The following AKT3 variants were observed in gnomAD, a reference collection of about 807,000 sequenced individuals.
AKT3 encodes RAC-gamma serine/threonine-protein kinase.
AKT3 carries 15 observed loss-of-function variants against 65.3 expected under a neutral mutation model. The ratio of observed to expected loss-of-function variants is 0.23; its 90% CI spans 0.15 to 0.35. The LOEUF (loss-of-function observed/expected upper bound fraction) is 0.35. AKT3 is among the 10% of genes least tolerant of loss of function. The pLI is 1.00. For synonymous variants in AKT3, 206 were observed against 183.8 expected (o/e 1.12, Z -0.98); for missense variants, 243 against 576.5 (o/e 0.42, Z 5.92).
intron 3 of AKT3, among the ~76,000 whole-genome samples, chr1:243,684,580 C>G (rs1684154464): frequency 6.6e-6 from 1 of 152,090 alleles, no homozygotes; most frequent in African/African-American, 2.4e-5. Context: ...GGGTTGGTTC[C>G]AAGTCTTTGC....
chr1:243,519,843 T>C (rs1670601847), intron 12 of AKT3, among the ~76,000 whole-genome samples: 1 of 152,226 alleles, frequency 6.6e-6, no homozygotes, highest in Non-Finnish European at 1.5e-5. Flanking sequence ...AAGACTGCAC[T>C]GATATAGGTA....
intron 2 of AKT3, among the ~76,000 whole-genome samples, chr1:243,761,851 T>G (rs936408176): frequency 6.6e-6 from 1 of 152,170 alleles, no homozygotes; most frequent in Non-Finnish European, 1.5e-5. Flanking sequence ...AGAAATATAA[T>G]AAGTATTTTC....
intron 12 of AKT3, among the ~76,000 whole-genome samples, chr1:243,539,867 C>T (rs1344930100): frequency 1.3e-5 from 2 of 152,104 alleles, no homozygotes; most frequent in Admixed American, 6.6e-5. Context: ...CCTTGAAAGA[C>T]ACAAAGAGCA....
At chr1:243,756,882 G>T (rs1187985653) in intron 2 of AKT3, among the ~76,000 whole-genome samples, 1 of 152,172 alleles carries the variant, frequency 6.6e-6, no homozygotes, top group Non-Finnish European at 1.5e-5. Context: ...CCAAAATTGA[G>T]TATCAATTCA....
chr1:243,591,580 T>G (rs1676230880), intron 8 of AKT3, among the ~76,000 whole-genome samples: 1 of 151,934 alleles, frequency 6.6e-6, no homozygotes, highest in East Asian at 1.9e-4. Flanking sequence ...AATCAATGAA[T>G]AGAAACAGAC....
chr1:243,512,225 C>T (rs1284594166), intron 13 of AKT3, 99 bp downstream of exon 13: 3 of 630,614 alleles, frequency 4.8e-6, no homozygotes, highest in Non-Finnish European at 7.8e-6. Context: ...GGAATTTGAT[C>T]TTGAAAATAT....
At chr1:243,730,650 C>T (rs909991360) in intron 2 of AKT3, among the ~76,000 whole-genome samples, 3 of 152,150 alleles carry the variant, frequency 2.0e-5, no homozygotes, top group Admixed American at 6.5e-5. Context: ...TGGGAGCCGC[C>T]GGCTGGGGTG....
At chr1:243,654,305 A>G (rs1456599020) in intron 4 of AKT3, among the ~76,000 whole-genome samples, 3 of 143,648 alleles carry the variant, frequency 2.1e-5, no homozygotes, top group Non-Finnish European at 3.1e-5. Flanking sequence ...TTTCACTTAT[A>G]TAATTAAAAC....
At chr1:243,579,224 G>A (rs765731683) in intron 8 of AKT3, among the ~76,000 whole-genome samples, 4 of 152,164 alleles carry the variant, frequency 2.6e-5, no homozygotes, top group Non-Finnish European at 4.4e-5. Flanking sequence ...TATCTAAATA[G>A]GCATTTGATA....
intron 2 of AKT3, among the ~76,000 whole-genome samples, chr1:243,766,134 C>T (rs1401806902): frequency 6.6e-6 from 1 of 152,106 alleles, no homozygotes. Flanking sequence ...TTTAAAAACA[C>T]TATTTTAGAA....
chr1:243,503,102 A>T lies in AKT3; in HGVS notation c.*2147T>A, dbSNP rs185750644. 12 of 224,072 alleles carry T rather than the reference A, an allele frequency of 5.4e-5. No individual in the cohort carries two copies. Among genetic ancestry groups the T allele is most frequent in the Admixed American group, 4.0e-4 (7 of 17,284 alleles). 13.9% of individuals were successfully genotyped at this position (224,072 alleles called of 1,614,324 possible). A position where few individuals can be genotyped will look rare whatever the true frequency, so the allele number is the denominator to read the frequency against. On this transcript the variant is annotated 3_prime_UTR_variant, in exon 14 of 14. Transcript: ENST00000673466. ...GAAACATTCAACATAATTCCAAGTG[A>T]AAAAAAAAAGATTAGCTATGTGTGT...
At chr1:243,667,269 T>C (rs931506480) in intron 3 of AKT3, among the ~76,000 whole-genome samples, 5 of 152,172 alleles carry the variant, frequency 3.3e-5, no homozygotes, top group Admixed American at 2.6e-4. Context: ...TATTTAGAGA[T>C]GCTGAGTGAC....
chr1:243,669,975 G>T (rs868779357), intron 3 of AKT3, among the ~76,000 whole-genome samples: 1 of 152,128 alleles, frequency 6.6e-6, no homozygotes, highest in Non-Finnish European at 1.5e-5. Context: ...TATGGGCCAA[G>T]CACTATGCAA....
intron 10 of AKT3, among the ~76,000 whole-genome samples, chr1:243,556,717 ATG>A (rs1156559024): frequency 6.6e-6 from 1 of 152,152 alleles, no homozygotes. Context: ...TAACTGATAG[ATG>A]TGTGTTTTAT....
intron 2 of AKT3, among the ~76,000 whole-genome samples, chr1:243,721,401 T>G (rs1686896356): frequency 6.6e-6 from 1 of 152,160 alleles, no homozygotes; most frequent in African/African-American, 2.4e-5. Flanking sequence ...CAGTCCTATT[T>G]CTACATAGCT....
chr1:243,802,186 G>T (rs1262764919), intron 2 of AKT3, among the ~76,000 whole-genome samples: 1 of 151,830 alleles, frequency 6.6e-6, no homozygotes. Context: ...ATACTTTTTT[G>T]CTGGCTTAAT....
In AKT3 at chr1:243,526,905, G is replaced by A. The variant is rs182803927; in HGVS notation, c.1252-14479C>T. On this transcript the variant is annotated intron_variant, in intron 12 of 13. Coordinates refer to ENST00000673466, the MANE Select transcript of AKT3 (RefSeq NM_005465.7). ...TGAAAGTGTTCTCAAATTAGACAGC[G>A]GTGATGGTTGCATAAGTCTGTCAAG... 4.7e-3 allele frequency among the ~76,000 whole-genome samples: 720 copies of A among 151,760 alleles called. 21 individuals carry two copies. The highest frequency in any genetic ancestry group is 0.043 in the Admixed American group (651 of 15,244).
intron 4 of AKT3, among the ~76,000 whole-genome samples, chr1:243,660,712 G>A (rs182009718): frequency 1.3e-5 from 2 of 152,264 alleles, no homozygotes; most frequent in East Asian, 1.9e-4. Flanking sequence ...TGTGGCCAGG[G>A]CAATTAGGCA....
intron 2 of AKT3, among the ~76,000 whole-genome samples, chr1:243,719,947 G>GTATGTTCTTAAATAC (rs1264457653): frequency 3.3e-5 from 5 of 152,178 alleles, no homozygotes; most frequent in Non-Finnish European, 7.3e-5. Context: ...AACATCTCTT[G>GTATGTTCTTAAATAC]TATGTTCTTA....
Sources: gnomAD v4.1 joint callset for allele counts (sites outside exome capture counted in the v4.1 genomes callset) on GRCh38, gnomAD v4.1.1 for gene constraint, MANE v1.5 for transcripts, NCBI Gene and HGNC (gene_info 2026-07-23, HGNC 2026-07-21) for gene names.